Variants in TTLL11 observed in about 807,000 individuals in gnomAD.
TTLL11 encodes the protein tubulin tyrosine ligase like 11.
A neutral mutation model predicts 51.7 loss-of-function variants in TTLL11; 42 were observed. The ratio of observed to expected loss-of-function variants is 0.81; its 90% confidence interval spans 0.64 to 1.05. The LOEUF (loss-of-function observed/expected upper bound fraction) is 1.05. Ranked by LOEUF, TTLL11 falls within the 50% of genes least tolerant of loss-of-function variation. The pLI is 0.00. For synonymous variants in TTLL11, 381 were observed against 383.5 expected, an observed-to-expected ratio of 0.99 and a Z score of 0.08; for missense variants, 799 against 940.4, an observed-to-expected ratio of 0.85 and a Z score of 1.97.
Position 121,820,929 on chromosome 9 carries a change from T to A in TTLL11, c.*1658A>T, listed in dbSNP as rs1001237075. Among the ~76,000 whole-genome samples, 4 of 141,064 alleles carry A rather than the reference T, an allele frequency of 2.8e-5. No homozygotes were observed. Among genetic ancestry groups the A allele is most frequent in the African/African-American group, 8.0e-5 (3 of 37,724 alleles). The allele number at this position is 141,064 out of a possible 152,430, so 92.5% of individuals were successfully genotyped here. On this transcript the variant is annotated 3_prime_UTR_variant, in exon 9 of 9. Transcript: ENST00000321582. ...GGGAAGGGCAGCGGCCTTTGGGCTC[T>A]GCTAGCAGCAGGGAAGGGGTGCTGC...
intron 6 of TTLL11, among the ~76,000 whole-genome samples, chr9:121,955,717 C>A (rs1375240296): frequency 6.6e-6 from 1 of 152,198 alleles, no homozygotes; most frequent in Non-Finnish European, 1.5e-5. Context: ...CTTTGACCTC[C>A]ATTTCCAGCA....
chr9:121,850,649 TG>T (rs1381566925), intron 8 of TTLL11, among the ~76,000 whole-genome samples: 2 of 152,180 alleles, frequency 1.3e-5, no homozygotes, highest in Non-Finnish European at 2.9e-5. Flanking sequence ...GCTGATTGGA[TG>T]GTGCCCACTC....
intron 6 of TTLL11, among the ~76,000 whole-genome samples, chr9:121,957,242 T>A (rs1398461740): frequency 1.3e-5 from 2 of 152,140 alleles, no homozygotes; most frequent in African/African-American, 2.4e-5. Flanking sequence ...GCCCAGGGAC[T>A]CTTCCAGAAA....
At chr9:122,039,905 TAC>T (rs1844799748) in intron 1 of TTLL11, among the ~76,000 whole-genome samples, 1 of 147,870 alleles carries the variant, frequency 6.8e-6, no homozygotes, top group African/African-American at 2.5e-5. Context: ...CACACACACA[TAC>T]ACACACACAT....
intron 6 of TTLL11, among the ~76,000 whole-genome samples, chr9:121,908,554 G>C (rs1174552927): frequency 6.6e-6 from 1 of 152,204 alleles, no homozygotes; most frequent in Non-Finnish European, 1.5e-5. Flanking sequence ...CCTGCGCTGG[G>C]AATTCATAAA....
chr9:121,978,826 C>T (rs1344960119), intron 4 of TTLL11, among the ~76,000 whole-genome samples: 1 of 152,128 alleles, frequency 6.6e-6, no homozygotes, highest in Non-Finnish European at 1.5e-5. Context: ...CCACGCCTAC[C>T]CTTCCATCTG....
At chr9:122,055,032 C>T (rs113721301) in intron 1 of TTLL11, among the ~76,000 whole-genome samples, 19 of 152,142 alleles carry the variant, frequency 1.2e-4, no homozygotes, top group Non-Finnish European at 1.9e-4. Flanking sequence ...ATGGTGTTGC[C>T]GGTCCATAAA....
At chr9:121,981,288 G>A (rs140896716) in intron 4 of TTLL11, among the ~76,000 whole-genome samples, 103 of 151,760 alleles carry the variant, frequency 6.8e-4, no homozygotes, top group Admixed American at 3.8e-3. Flanking sequence ...ACATTCTATT[G>A]CTACGTCTTC....
chr9:122,023,581 A>C (rs1045078037), intron 3 of TTLL11, among the ~76,000 whole-genome samples: 1 of 152,024 alleles, frequency 6.6e-6, no homozygotes, highest in African/African-American at 2.4e-5. Context: ...ATATATAAAA[A>C]GGATAATATG....
At position 121,894,872 on chromosome 9, in the gene TTLL11, C is replaced by T. The variant is rs376116576; in HGVS notation, c.1482-24124G>A. 1.1e-4 allele frequency among the ~76,000 whole-genome samples: 17 copies of T among 152,140 alleles called. No individual in the cohort carries two copies. The East Asian group carries it at 1.2e-3, about 10-fold the overall frequency. ...ATGTAACAAACCTGCACCTTCTGCA[C>T]GTGTATCCCAGAACTTAAAGTATAA... On this transcript the variant is annotated intron_variant, in intron 6 of 8. Coordinates refer to ENST00000321582, the MANE Select transcript of TTLL11 (RefSeq NM_001139442.2).
At chr9:121,988,463 C>T (rs1191089983) in intron 4 of TTLL11, among the ~76,000 whole-genome samples, 7 of 151,952 alleles carry the variant, frequency 4.6e-5, no homozygotes, top group African/African-American at 9.7e-5. Context: ...CACCCAGCAA[C>T]CATACTCAAC....
chr9:121,839,413 A>G (rs891829693), intron 8 of TTLL11, among the ~76,000 whole-genome samples: 1 of 152,100 alleles, frequency 6.6e-6, no homozygotes, highest in Non-Finnish European at 1.5e-5. Flanking sequence ...CCTCTTACAC[A>G]TTGCGGGGTG....
chr9:122,044,668 C>T (rs1431017184), intron 1 of TTLL11, among the ~76,000 whole-genome samples: 1 of 152,104 alleles, frequency 6.6e-6, no homozygotes, highest in Non-Finnish European at 1.5e-5. Flanking sequence ...AAAACACTTA[C>T]AAAATGGACA....
intron 8 of TTLL11, among the ~76,000 whole-genome samples, chr9:121,846,769 G>A (rs1050963456): frequency 6.6e-6 from 1 of 152,126 alleles, no homozygotes; most frequent in Admixed American, 6.5e-5. Context: ...GAAATTTGTG[G>A]GATCCAGTGA....
intron 3 of TTLL11, among the ~76,000 whole-genome samples, chr9:122,007,921 T>C (rs1005303829): frequency 1.3e-5 from 2 of 152,174 alleles, no homozygotes; most frequent in Non-Finnish European, 2.9e-5. Flanking sequence ...GACACCACCT[T>C]AGCCAAATGA....
intron 1 of TTLL11, among the ~76,000 whole-genome samples, chr9:122,052,650 G>A (rs1845193431): frequency 6.6e-6 from 1 of 152,058 alleles, no homozygotes; most frequent in Non-Finnish European, 1.5e-5. Flanking sequence ...CCATCTTTCT[G>A]TTACCCAAAA....
intron 1 of TTLL11, among the ~76,000 whole-genome samples, chr9:122,080,529 T>C (rs545761612): frequency 1.3e-4 from 19 of 145,986 alleles, no homozygotes; most frequent in South Asian, 4.2e-4. Flanking sequence ...CAAAAAAAAA[T>C]ATATATATAC....
At chr9:121,934,432 A>C (rs973722615) in intron 6 of TTLL11, among the ~76,000 whole-genome samples, 2 of 152,220 alleles carry the variant, frequency 1.3e-5, no homozygotes, top group African/African-American at 2.4e-5. Context: ...ACTGATTTCA[A>C]CAGAAAAGTC....
At chr9:121,918,992 T>C (rs942746134) in intron 6 of TTLL11, among the ~76,000 whole-genome samples, 12 of 152,258 alleles carry the variant, frequency 7.9e-5, no homozygotes, top group African/African-American at 2.9e-4. Flanking sequence ...GCAAGGCTTC[T>C]GGGGTCCTGG....
Sources: allele counts gnomAD v4.1 joint callset (sites outside exome capture counted in the v4.1 genomes callset), GRCh38; gene constraint gnomAD v4.1.1; transcripts MANE v1.5; gene names NCBI Gene and HGNC (gene_info 2026-07-23, HGNC 2026-07-21).